AUTS2: variants seen among roughly 807,000 people sequenced by gnomAD.
AUTS2 encodes the protein autism susceptibility gene 2 protein.
AUTS2 carries 17 observed loss-of-function variants against 112.4 expected under a neutral mutation model. The ratio of observed to expected loss-of-function variants is 0.15; its 90% CI spans 0.10 to 0.23. The LOEUF is 0.23. AUTS2 is among the 10% of genes least tolerant of loss of function. AUTS2 has a pLI of 1.00. For missense variants in AUTS2, 1,510 were observed against 1,701.6 expected (o/e 0.89, Z 1.98); for synonymous variants, 751 against 702.7 (o/e 1.07, Z -1.09).
At chr7:70,396,118 T>G (rs1246453661) in intron 4 of AUTS2, among the ~76,000 whole-genome samples, 2 of 152,108 alleles carry the variant, frequency 1.3e-5, no homozygotes, top group Non-Finnish European at 2.9e-5. Context: ...TTGATCAAAG[T>G]ACCCACTCAT....
intron 1 of AUTS2, among the ~76,000 whole-genome samples, chr7:69,654,725 TC>T (rs1795446334): frequency 6.6e-6 from 1 of 152,142 alleles, no homozygotes; most frequent in Non-Finnish European, 1.5e-5. Context: ...GTTTGAGATA[TC>T]TACCCTTTTA....
At chr7:70,168,015 C>T (rs1197954330) in intron 4 of AUTS2, among the ~76,000 whole-genome samples, 2 of 152,182 alleles carry the variant, frequency 1.3e-5, no homozygotes, top group African/African-American at 4.8e-5. Context: ...TACTAAGTCA[C>T]AAGACTTGTT....
At chr7:70,397,098 T>C (rs1794121394) in intron 4 of AUTS2, among the ~76,000 whole-genome samples, 1 of 151,778 alleles carries the variant, frequency 6.6e-6, no homozygotes, top group Non-Finnish European at 1.5e-5. Flanking sequence ...AATTTTGCTA[T>C]TGTTGCCCAA....
intron 14 of AUTS2, among the ~76,000 whole-genome samples, chr7:70,778,837 G>A (rs1790876671): frequency 6.6e-6 from 1 of 152,190 alleles, no homozygotes; most frequent in African/African-American, 2.4e-5. Flanking sequence ...TGTTCTGGTT[G>A]ATGTGGTTAG....
At chr7:70,196,699 C>T (rs1049804237) in intron 4 of AUTS2, among the ~76,000 whole-genome samples, 2 of 152,162 alleles carry the variant, frequency 1.3e-5, no homozygotes, top group African/African-American at 2.4e-5. Flanking sequence ...AAAGGATAAG[C>T]TGAAATTCAC....
At chr7:70,066,293 C>T (rs964376901) in intron 2 of AUTS2, among the ~76,000 whole-genome samples, 1 of 152,142 alleles carries the variant, frequency 6.6e-6, no homozygotes, top group Non-Finnish European at 1.5e-5. Context: ...AAAATTTTCA[C>T]TTACCAAATT....
At chr7:70,105,858 TG>T (rs1054330227) in intron 2 of AUTS2, among the ~76,000 whole-genome samples, 4 of 152,194 alleles carry the variant, frequency 2.6e-5, no homozygotes, top group Non-Finnish European at 2.9e-5. Context: ...TTTATGTCTC[TG>T]GGGGCCCTAG....
At chr7:69,703,742 TGCTA>T (rs1396573740) in intron 1 of AUTS2, among the ~76,000 whole-genome samples, 13 of 152,222 alleles carry the variant, frequency 8.5e-5, no homozygotes, top group African/African-American at 2.9e-4. Flanking sequence ...AGATGTTAAA[TGCTA>T]AAAATAAAAG....
chr7:69,882,150 C>CAAAATA (rs1794079449), intron 1 of AUTS2, among the ~76,000 whole-genome samples: 2 of 57,134 alleles, frequency 3.5e-5, no homozygotes, highest in Non-Finnish European at 6.6e-5. Context: ...AACTCTGTCT[C>CAAAATA]AAAAAAAAAA....
chr7:70,120,752 A>G (rs1403814714), intron 3 of AUTS2, among the ~76,000 whole-genome samples: 1 of 152,218 alleles, frequency 6.6e-6, no homozygotes, highest in Non-Finnish European at 1.5e-5. Flanking sequence ...GAAAGACAGT[A>G]TTATTAAGAT....
At chr7:69,673,017 T>A (rs1281965111) in intron 1 of AUTS2, among the ~76,000 whole-genome samples, 1 of 152,206 alleles carries the variant, frequency 6.6e-6, no homozygotes, top group Non-Finnish European at 1.5e-5. Flanking sequence ...GTGACTGTAT[T>A]TAGACCCATC....
chr7:70,475,252 A>G (rs1797539021), intron 5 of AUTS2, among the ~76,000 whole-genome samples: 1 of 152,188 alleles, frequency 6.6e-6, no homozygotes, highest in South Asian at 2.1e-4. Context: ...GAGGCGGGGA[A>G]CTGGTTTAGT....
chr7:70,425,564 A>C (rs1041226157), intron 4 of AUTS2, among the ~76,000 whole-genome samples: 3 of 152,214 alleles, frequency 2.0e-5, no homozygotes, highest in African/African-American at 7.2e-5. Flanking sequence ...GGGAGGAGGA[A>C]TCCATAAATC....
intron 4 of AUTS2, among the ~76,000 whole-genome samples, chr7:70,354,166 G>T (rs1433429248): frequency 6.6e-6 from 1 of 152,150 alleles, no homozygotes; most frequent in Non-Finnish European, 1.5e-5. Flanking sequence ...TTTCCTTGTG[G>T]AGATCAGATA....
intron 1 of AUTS2, among the ~76,000 whole-genome samples, chr7:69,719,605 C>T (rs1163451199): frequency 6.6e-6 from 1 of 152,182 alleles, no homozygotes; most frequent in African/African-American, 2.4e-5. Flanking sequence ...AATGGACTGC[C>T]TGCTATGGGA....
intron 3 of AUTS2, 27 bp downstream of exon 3, chr7:70,118,260 A>T: frequency 6.4e-7 from 1 of 1,555,228 alleles, no homozygotes; most frequent in South Asian, 1.2e-5. Context: ...AAAAAAAAAA[A>T]AAAAAAATTA....
intron 4 of AUTS2, among the ~76,000 whole-genome samples, chr7:70,369,447 A>T (rs1246931704): frequency 6.6e-6 from 1 of 152,136 alleles, no homozygotes; most frequent in African/African-American, 2.4e-5. Context: ...CATGGAACAG[A>T]TGAGATTAAA....
rs191344881 is a variant in AUTS2, at chr7:70,791,092, G to T, written c.*96G>T. 823 of 1,276,718 alleles carry T rather than the reference G, an allele frequency of 6.4e-4. 3 individuals are homozygous for T. In the African/African-American group the frequency reaches 9.7e-3, roughly 15 times the overall value. The allele number at this position is 1,276,718 out of a possible 1,614,324, so 79.1% of individuals were successfully genotyped here. ...ACTCCTGCATGGCTCACACAGACTG[G>T]GGGGGAAAGCCCCACCCCTTCCCCT... is the stretch of plus-strand genomic sequence containing the variant. On this transcript the variant is annotated 3_prime_UTR_variant, in exon 19 of 19. Transcript: ENST00000342771.
At chr7:70,670,460 G>C (rs1807576550) in intron 5 of AUTS2, among the ~76,000 whole-genome samples, 1 of 152,212 alleles carries the variant, frequency 6.6e-6, no homozygotes, top group Non-Finnish European at 1.5e-5. Flanking sequence ...TTATTACAGA[G>C]TGAGGAAAGG....
Sources: allele counts gnomAD v4.1 joint callset (sites outside exome capture counted in the v4.1 genomes callset), GRCh38; gene constraint gnomAD v4.1.1; transcripts MANE v1.5; gene names NCBI Gene and HGNC (gene_info 2026-07-23, HGNC 2026-07-21).